Variants in BEAN1 observed in about 807,000 individuals in gnomAD.
BEAN1 encodes the protein protein BEAN1.
In BEAN1, 17 loss-of-function variants were observed where a neutral mutation model predicts 17.7. The ratio of observed to expected loss-of-function variants is 0.96; its 90% CI spans 0.66 to 1.44. The LOEUF is 1.44. BEAN1 is among the 40% of genes most tolerant of loss of function. The pLI is 0.00. For synonymous variants in BEAN1, 142 were observed against 151.8 expected (o/e 0.94, Z 0.47); for missense variants, 359 against 374.1 (o/e 0.96, Z 0.33).
chr16:66,429,453 C>G (rs1205661140), intron 1 of BEAN1, among the ~76,000 whole-genome samples: 1 of 151,216 alleles, frequency 6.6e-6, no homozygotes, highest in East Asian at 2.0e-4. Flanking sequence ...CTGGAGGTGG[C>G]AAGGAGCGGG....
intron 1 of BEAN1, among the ~76,000 whole-genome samples, chr16:66,428,886 T>C (rs1053050216): frequency 1.1e-4 from 17 of 152,318 alleles, no homozygotes; most frequent in African/African-American, 3.6e-4. Context: ...CCACCCTTTC[T>C]CAGACGCTCC....
At chr16:66,441,839 G>T (rs961583111) in intron 2 of BEAN1, among the ~76,000 whole-genome samples, 12 of 152,062 alleles carry the variant, frequency 7.9e-5, no homozygotes, top group African/African-American at 2.9e-4. Flanking sequence ...GGCATTAATC[G>T]GCCAGGCTGG....
At chr16:66,475,781 C>G (rs959250968) in intron 3 of BEAN1, 3 of 152,112 alleles carry the variant, frequency 2.0e-5, no homozygotes, top group Admixed American at 2.0e-4. Context: ...TTATAGAAAA[C>G]CTTAAAAATA....
intron 2 of BEAN1, among the ~76,000 whole-genome samples, chr16:66,465,801 T>G (rs1963240875): frequency 1.3e-5 from 2 of 152,264 alleles, no homozygotes. Flanking sequence ...AGTTTCTGTT[T>G]CTTTTTAAGT....
At chr16:66,480,098 G>C (rs1963927574) in intron 4 of BEAN1, among the ~76,000 whole-genome samples, 1 of 152,160 alleles carries the variant, frequency 6.6e-6, no homozygotes, top group Non-Finnish European at 1.5e-5. Flanking sequence ...TCGAGCAGGG[G>C]TGGTGCTGCC....
intron 2 of BEAN1, among the ~76,000 whole-genome samples, chr16:66,440,929 C>A (rs1962232297): frequency 6.6e-6 from 1 of 152,174 alleles, no homozygotes; most frequent in South Asian, 2.1e-4. Context: ...TATCATACAT[C>A]CATCACTGCC....
chr16:66,442,337 C>T (rs1962288455), intron 2 of BEAN1, among the ~76,000 whole-genome samples: 1 of 152,224 alleles, frequency 6.6e-6, no homozygotes, highest in Admixed American at 6.5e-5. Flanking sequence ...ATGGCAGCTC[C>T]GTGGAGCTCC....
In BEAN1 at chr16:66,477,584, G is replaced by GCT; in HGVS notation, c.316_317dup (p.Ser107GlnfsTer66). 6.5e-7 allele frequency: 1 copy of GCT among 1,547,832 alleles called. No individual in the cohort carries two copies. Among genetic ancestry groups the GCT allele is most frequent in the Non-Finnish European group, 8.7e-7 (1 of 1,145,900 alleles). On this transcript the variant is annotated frameshift_variant, in exon 4 of 5. Coordinates refer to ENST00000536005, the MANE Select transcript of BEAN1 (RefSeq NM_001178020.3). LOFTEE classifies it high-confidence loss of function. Reference sequence around the variant, plus strand: ...GTGTCGGACGAGCACACATACAGCCGCTCAAGCCGCAGGATGCGCTATGCC... The same window carrying GCT: ...GTGTCGGACGAGCACACATACAGCCGCTCTCAAGCCGCAGGATGCGCTATGCC...
At chr16:66,431,822 T>G (rs1961817256) in intron 1 of BEAN1, among the ~76,000 whole-genome samples, 1 of 152,178 alleles carries the variant, frequency 6.6e-6, no homozygotes, top group African/African-American at 2.4e-5. Context: ...GTTGTTTGTT[T>G]GTTTGAGACA....
At chr16:66,437,453 G>A in intron 1 of BEAN1, 142 bp from the exon 2 acceptor site, 1 of 561,794 alleles carries the variant, frequency 1.8e-6, no homozygotes, top group Non-Finnish European at 3.1e-6. Flanking sequence ...CCAGCCCCTT[G>A]CCCAGACTAG....
chr16:66,483,359 G>A, downstream of BEAN1: 1 of 157,610 alleles, frequency 6.3e-6, no homozygotes, highest in South Asian at 1.8e-4. Context: ...GACATGGCTG[G>A]TGTAACGTCA....
intron 1 of BEAN1, among the ~76,000 whole-genome samples, chr16:66,433,707 G>A (rs184499207): frequency 1.3e-5 from 2 of 152,228 alleles, no homozygotes; most frequent in African/African-American, 2.4e-5. Flanking sequence ...TGAGGATCCA[G>A]TAAGCTGACA....
chr16:66,449,958 CT>C (rs1962609460), intron 2 of BEAN1, among the ~76,000 whole-genome samples: 1 of 152,192 alleles, frequency 6.6e-6, no homozygotes, highest in Non-Finnish European at 1.5e-5. Flanking sequence ...TAATTTATTA[CT>C]GAATTTGTAT....
intron 2 of BEAN1, among the ~76,000 whole-genome samples, chr16:66,449,557 G>T (rs1444244233): frequency 7.8e-6 from 1 of 127,810 alleles, no homozygotes; most frequent in African/African-American, 3.1e-5. Flanking sequence ...CAGTGAGCCG[G>T]TATCGCACCA....
Position 66,441,790 on chromosome 16 carries a change from G to C in BEAN1, c.25+4089G>C, listed in dbSNP as rs530463919. On this transcript the variant is annotated intron_variant, in intron 2 of 4. Transcript: ENST00000536005. ...CAGCTTCCATGGCTGCAGGCCCTGG[G>C]GGAGCAGGCTTGTCCATCAGCCCCT... Among the ~76,000 whole-genome samples the C allele has an allele frequency of 5.3e-5, 8 of 152,222 alleles. No homozygotes were observed. The South Asian group carries it at 1.7e-3, about 32-fold the overall frequency.
chr16:66,466,103 CGCAGCCG>C (rs757910169), intron 2 of BEAN1, among the ~76,000 whole-genome samples: 2 of 152,252 alleles, frequency 1.3e-5, no homozygotes, highest in African/African-American at 4.8e-5. Flanking sequence ...TGTGAGCCAC[CGCAGCCG>C]GCCAAATTTG....
intron 2 of BEAN1, among the ~76,000 whole-genome samples, chr16:66,464,411 G>A (rs1210497419): frequency 6.6e-6 from 1 of 151,982 alleles, no homozygotes; most frequent in Admixed American, 6.6e-5. Context: ...GCGCATCTCG[G>A]CTCACTGCAA....
At chr16:66,445,479 A>AAG in intron 2 of BEAN1, among the ~76,000 whole-genome samples, 1 of 17,950 alleles carries the variant, frequency 5.6e-5, no homozygotes, top group Non-Finnish European at 1.3e-4. Flanking sequence ...CCGTCTCAAA[A>AAG]AAAAAAAAAA....
intron 4 of BEAN1, among the ~76,000 whole-genome samples, chr16:66,479,366 G>A (rs1306165360): frequency 6.6e-6 from 1 of 152,108 alleles, no homozygotes; most frequent in East Asian, 1.9e-4. Context: ...CAGAGCAGAG[G>A]GTTGGGTTGG....
Sources: allele counts gnomAD v4.1 joint callset (sites outside exome capture counted in the v4.1 genomes callset), GRCh38; gene constraint gnomAD v4.1.1; transcripts MANE v1.5; gene names NCBI Gene and HGNC (gene_info 2026-07-23, HGNC 2026-07-21).